The following PTGFRN variants were observed in gnomAD, a reference collection of about 807,000 sequenced individuals.
PTGFRN encodes the protein prostaglandin F2 receptor negative regulator.
A neutral mutation model predicts 83.2 loss-of-function variants in PTGFRN; 35 were observed. That is an observed-to-expected ratio of 0.42 (90% CI 0.32 to 0.56). The LOEUF (loss-of-function observed/expected upper bound fraction) is 0.56. Ranked by LOEUF, PTGFRN falls within the 20% of genes least tolerant of loss-of-function variation. The pLI is 0.11. For synonymous variants in PTGFRN, 519 were observed against 498.6 expected, an observed-to-expected ratio of 1.04 and a Z score of -0.55; for missense variants, 1,051 against 1,179.5, an observed-to-expected ratio of 0.89 and a Z score of 1.60.
chr1:116,929,536 G>A (rs1222218552), intron 1 of PTGFRN, among the ~76,000 whole-genome samples: 5 of 152,202 alleles, frequency 3.3e-5, no homozygotes, highest in Admixed American at 3.3e-4. Flanking sequence ...AAACACCCAA[G>A]CTTGCTCCAT....
intron 6 of PTGFRN, among the ~76,000 whole-genome samples, chr1:116,971,854 A>G (rs1257139996): frequency 6.6e-6 from 1 of 152,236 alleles, no homozygotes; most frequent in Non-Finnish European, 1.5e-5. Flanking sequence ...TTCAAATTAA[A>G]TAGATAATCC....
rs534818870 is a variant in PTGFRN, at chr1:116,953,578, T to G, written c.1213+4006T>G. The stretch of plus-strand genomic sequence containing the variant: ...TTAAATGCTCACTGCATTTTCTTGG[T>G]GGTGGCGATGATGATTTGTTAGTGT... On this transcript the variant is annotated intron_variant, in intron 4 of 8. Transcript: ENST00000393203. Among the ~76,000 whole-genome samples the G allele has an allele frequency of 5.6e-3, 851 of 152,146 alleles. 4 individuals carry two copies. Among genetic ancestry groups the G allele is most frequent in the Non-Finnish European group, 9.6e-3 (653 of 67,978 alleles).
intron 4 of PTGFRN, among the ~76,000 whole-genome samples, chr1:116,957,111 CTCTCTCTCTCTCTCTT>C (rs988436650): frequency 2.0e-5 from 3 of 150,540 alleles, no homozygotes; most frequent in Non-Finnish European, 4.4e-5. Context: ...TTAACTCTCT[CTCTCTCTCTCTCTCTT>C]TCTCTCTCTC....
chr1:116,910,669 C>T (rs1649245374), intron 1 of PTGFRN, among the ~76,000 whole-genome samples: 1 of 151,944 alleles, frequency 6.6e-6, no homozygotes, highest in South Asian at 2.1e-4. Flanking sequence ...TGATATGCCC[C>T]GCCATAGCCG....
intron 4 of PTGFRN, among the ~76,000 whole-genome samples, chr1:116,950,824 A>G (rs1650325870): frequency 1.3e-5 from 2 of 152,174 alleles, no homozygotes; most frequent in Admixed American, 1.3e-4. Flanking sequence ...ATATCTGAAA[A>G]GTAAAAGAAG....
At chr1:116,964,410 C>T (rs994523841) in intron 5 of PTGFRN, among the ~76,000 whole-genome samples, 28 of 152,192 alleles carry the variant, frequency 1.8e-4, no homozygotes, top group African/African-American at 5.8e-4. Flanking sequence ...ACACTGCCTT[C>T]TCAGGGCTTT....
chr1:116,977,521 T>C (rs189517080), intron 7 of PTGFRN, among the ~76,000 whole-genome samples: 291 of 152,004 alleles, frequency 1.9e-3, no homozygotes, highest in Non-Finnish European at 3.8e-3. Flanking sequence ...ATTATAACAA[T>C]CTCTCAGACC....
chr1:116,958,566 G>A lies in PTGFRN; in HGVS notation c.1214-2677G>A, dbSNP rs748902704. ...ATCACAAATATATACACGTGTATGT[G>A]TATATGAATATGTGTGTACCTGCAT... is the stretch of plus-strand genomic sequence containing the variant. On this transcript the variant is annotated intron_variant, in intron 4 of 8. Transcript: ENST00000393203. The surrounding 1 kb of genome is among the most constrained non-coding windows in gnomAD (Gnocchi z 4.9). Among the ~76,000 whole-genome samples the A allele has an allele frequency of 6.6e-6, 1 of 152,140 alleles. No homozygotes were observed. Among genetic ancestry groups the A allele is most frequent in the Non-Finnish European group, 1.5e-5 (1 of 68,024 alleles).
chr1:116,929,072 G>C (rs1338357478), intron 1 of PTGFRN, among the ~76,000 whole-genome samples: 1 of 152,166 alleles, frequency 6.6e-6, no homozygotes, highest in African/African-American at 2.4e-5. Context: ...GACAACTCTT[G>C]CTTTCCTTGG....
chr1:116,954,059 C>T (rs1455469448), intron 4 of PTGFRN, among the ~76,000 whole-genome samples: 4 of 151,738 alleles, frequency 2.6e-5, no homozygotes, highest in African/African-American at 7.3e-5. Flanking sequence ...GGTTTCGCCA[C>T]GTTGGCCAGG....
chr1:116,975,732 C>T (rs539119204), intron 7 of PTGFRN, among the ~76,000 whole-genome samples: 9 of 152,186 alleles, frequency 5.9e-5, no homozygotes, highest in Admixed American at 5.9e-4. Flanking sequence ...TACGTCACCA[C>T]CATCAAAGAC....
chr1:116,966,976 A>G lies in PTGFRN; in HGVS notation c.1705A>G (p.Met569Val). The G allele has an allele frequency of 6.2e-7, 1 of 1,613,688 alleles. No individual in the cohort carries two copies. Among genetic ancestry groups the G allele is most frequent in the Admixed American group, 1.7e-5 (1 of 60,010 alleles). Reference protein sequence around the residue: ...PFFAAGNTFEMTCKVSSKNIK... With the variant: ...PFFAAGNTFEVTCKVSSKNIK... ...CTTTGCTGCCGGAAATACATTTGAG[A>G]TGACTTGCAAAGTATCTTCCAAGAA... The change falls in exon 6 of 9, where the codon ATG becomes GTG. Residue 569 changes from methionine (M) to valine (V), a missense_variant. By Grantham distance (21) the Met-to-Val change is conservative. This residue lies in a region of PTGFRN where 719 missense variants were observed against 836.6 expected (regional missense o/e 0.86). Transcript: ENST00000393203.
chr1:116,953,753 C>T (rs908773346), intron 4 of PTGFRN, among the ~76,000 whole-genome samples: 1 of 151,936 alleles, frequency 6.6e-6, no homozygotes, highest in Non-Finnish European at 1.5e-5. Flanking sequence ...TTGAGCTGAC[C>T]ACACCCAGCC....
At chr1:116,981,523 G>C (rs1352562019) in intron 7 of PTGFRN, among the ~76,000 whole-genome samples, 1 of 152,230 alleles carries the variant, frequency 6.6e-6, no homozygotes, top group Non-Finnish European at 1.5e-5. Context: ...TGAATCCAGT[G>C]AGCCCCTGAG....
At position 116,944,969 on chromosome 1, in the gene PTGFRN, G is replaced by C. The variant is rs1344946152; in HGVS notation, c.709G>C (p.Ala237Pro). The change falls in exon 3 of 9, where the codon GCT (alanine) becomes CCT (proline). Residue 237 changes from alanine to proline, a missense_variant. Physicochemically the swap from Ala to Pro is conservative, Grantham distance 27 (BLOSUM62 -1). Coordinates refer to ENST00000393203, the MANE Select transcript of PTGFRN (RefSeq NM_020440.4). Reference protein sequence around the residue: ...SDAYRLSVSRALSADQGSYRC... With the variant: ...SDAYRLSVSRPLSADQGSYRC... Reference sequence around the variant, plus strand: ...CGCCTACCGCCTCTCAGTGTCCCGGGCTCTGTCTGCCGACCAGGGCTCCTA... The same window carrying C: ...CGCCTACCGCCTCTCAGTGTCCCGGCCTCTGTCTGCCGACCAGGGCTCCTA... 1 of 1,613,676 alleles carries C rather than the reference G, an allele frequency of 6.2e-7. No individual in the cohort carries two copies. The highest frequency in any genetic ancestry group is 8.5e-7 in the Non-Finnish European group (1 of 1,180,032).
chr1:116,943,577 G>T (rs994080386), intron 2 of PTGFRN, among the ~76,000 whole-genome samples: 3 of 152,156 alleles, frequency 2.0e-5, no homozygotes, highest in African/African-American at 7.2e-5. Context: ...GCCATGTGTG[G>T]TCCAGGATCT....
At chr1:116,976,357 C>G (rs1228172458) in intron 7 of PTGFRN, among the ~76,000 whole-genome samples, 1 of 152,262 alleles carries the variant, frequency 6.6e-6, no homozygotes, top group Non-Finnish European at 1.5e-5. Context: ...CATTCAACTT[C>G]AGGAAATACA....
rs1344085850 is a variant in PTGFRN, at chr1:116,941,882, A to C, written c.217A>C (p.Thr73Pro). The change falls in exon 2 of 9, where the codon ACC becomes CCC. Residue 73 changes from threonine to proline, a missense_variant. By Grantham distance (38) the Thr-to-Pro change is conservative (BLOSUM62 -1). Coordinates refer to ENST00000393203, the MANE Select transcript of PTGFRN (RefSeq NM_020440.4). This position sits in a 1 kb window ranked among gnomAD's most constrained non-coding sequence, Gnocchi z 5.0. ...LGSSFVELASTWEVGFPAQLY... is the reference protein window; with the variant it reads ...LGSSFVELASPWEVGFPAQLY... ...GAGCAGCTTTGTGGAGCTTGCAAGC[A>C]CCTGGGAGGTGGGGTTCCCAGCCCA... The C allele has an allele frequency of 6.2e-7, 1 of 1,614,038 alleles. No homozygotes were observed.
chr1:116,970,593 A>G (rs1438745370), intron 6 of PTGFRN, among the ~76,000 whole-genome samples: 2 of 152,182 alleles, frequency 1.3e-5, no homozygotes, highest in Admixed American at 1.3e-4. Flanking sequence ...ATCTCAGCAT[A>G]ACAGATAAAA....
Sources: gnomAD v4.1 joint callset for allele counts (sites outside exome capture counted in the v4.1 genomes callset) on GRCh38, gnomAD v4.1.1 for gene constraint, gnomAD v4.1.1 regional missense constraint, Gnocchi (gnomAD v3.1) non-coding constraint, MANE v1.5 for transcripts, NCBI Gene and HGNC (gene_info 2026-07-23, HGNC 2026-07-21) for gene names.